Variants in KAZN observed in about 807,000 individuals in gnomAD.
KAZN encodes kazrin.
A neutral mutation model predicts 87.4 loss-of-function variants in KAZN; 40 were observed. The ratio of observed to expected loss-of-function variants is 0.46; its 90% CI spans 0.36 to 0.60. The LOEUF is 0.60. Ranked by LOEUF, KAZN falls within the 20% of genes least tolerant of loss-of-function variation. KAZN has a pLI of 0.00. For missense variants in KAZN, 898 were observed against 1,073.9 expected (o/e 0.84, Z 2.29); for synonymous variants, 466 against 458.3 (o/e 1.02, Z -0.22).
intron 1 of KAZN, among the ~76,000 whole-genome samples, chr1:14,008,598 G>A (rs187639037): frequency 3.9e-5 from 6 of 152,134 alleles, no homozygotes; most frequent in Admixed American, 3.9e-4. Flanking sequence ...CAGTGGGATG[G>A]GCAAGTAAAG....
chr1:14,664,387 T>A (rs1266460141), intron 1 of KAZN, among the ~76,000 whole-genome samples: 1 of 152,096 alleles, frequency 6.6e-6, no homozygotes, highest in African/African-American at 2.4e-5. Flanking sequence ...GAGCCAAGAT[T>A]GTGCCACTGC....
intron 2 of KAZN, among the ~76,000 whole-genome samples, chr1:15,003,262 G>A (rs186282706): frequency 4.6e-5 from 7 of 152,302 alleles, no homozygotes; most frequent in East Asian, 1.9e-4. Flanking sequence ...AACACAGGGC[G>A]TGGATCCGGT....
chr1:14,935,991 G>A (rs936072863), intron 1 of KAZN, among the ~76,000 whole-genome samples: 1 of 152,230 alleles, frequency 6.6e-6, no homozygotes, highest in African/African-American at 2.4e-5. Context: ...CCATTTCCCT[G>A]GAGCCTCCAA....
chr1:13,956,913 G>C (rs1253155269), intron 1 of KAZN, among the ~76,000 whole-genome samples: 1 of 152,162 alleles, frequency 6.6e-6, no homozygotes, highest in Non-Finnish European at 1.5e-5. Flanking sequence ...GTGAAGCTAT[G>C]GCATCCCAGG....
At chr1:14,162,547 CTTTTTTTTTTTTTTT>C (rs1310471615) in intron 1 of KAZN, among the ~76,000 whole-genome samples, 4,089 of 138,840 alleles carry the variant, frequency 0.029, 188 homozygotes, top group African/African-American at 0.1. Flanking sequence ...TTTCTTTTTT[CTTTTTTTTTTTTTTT>C]GAGACAGAGT....
At chr1:14,065,191 G>C (rs375476845) in intron 1 of KAZN, among the ~76,000 whole-genome samples, 4 of 152,204 alleles carry the variant, frequency 2.6e-5, no homozygotes, top group South Asian at 2.1e-4. Context: ...AGGGGAATCT[G>C]TTCCGGCTTG....
At chr1:14,595,911 C>G (rs1676482793), upstream of KAZN, among the ~76,000 whole-genome samples, 1 of 151,822 alleles carries the variant, frequency 6.6e-6, no homozygotes, top group Non-Finnish European at 1.5e-5. Flanking sequence ...TAGGAGGCAC[C>G]CCAGGAGTTT....
intron 2 of KAZN, among the ~76,000 whole-genome samples, chr1:14,197,292 T>G (rs940607513): frequency 2.7e-5 from 4 of 149,754 alleles, no homozygotes; most frequent in Non-Finnish European, 5.9e-5. Flanking sequence ...GATAAGACAG[T>G]GCCTGCCATA....
intron 1 of KAZN, among the ~76,000 whole-genome samples, chr1:14,053,442 A>G (rs1297233123): frequency 6.6e-6 from 1 of 152,120 alleles, no homozygotes; most frequent in Admixed American, 6.5e-5. Flanking sequence ...GCAATAATGG[A>G]TGGGTGCTGT....
intron 1 of KAZN, among the ~76,000 whole-genome samples, chr1:14,915,175 G>A (rs948884321): frequency 9.9e-5 from 15 of 152,150 alleles, no homozygotes; most frequent in Admixed American, 3.3e-4. Flanking sequence ...CAACAAGAGC[G>A]AAACTCCGCC....
intron 1 of KAZN, among the ~76,000 whole-genome samples, chr1:14,674,229 G>C (rs1229791377): frequency 6.6e-6 from 1 of 152,134 alleles, no homozygotes; most frequent in Admixed American, 6.5e-5. Context: ...TCTAAATTAG[G>C]TGGCATTGAA....
chr1:14,836,985 A>G (rs1048570856), intron 1 of KAZN, among the ~76,000 whole-genome samples: 34 of 152,056 alleles, frequency 2.2e-4, no homozygotes, highest in African/African-American at 8.0e-4. Context: ...CTGTCTTTCT[A>G]AAAGCTGCTT....
chr1:15,002,924 C>T (rs957070353), intron 2 of KAZN, among the ~76,000 whole-genome samples: 1 of 151,510 alleles, frequency 6.6e-6, no homozygotes, highest in Non-Finnish European at 1.5e-5. Flanking sequence ...TACAGCGAGC[C>T]GAGATGGCGC....
intron 2 of KAZN, among the ~76,000 whole-genome samples, chr1:14,580,152 G>A (rs1675451556): frequency 6.6e-6 from 1 of 152,292 alleles, no homozygotes; most frequent in African/African-American, 2.4e-5. Context: ...AGTCAGCTTA[G>A]GTTTCACCAT....
intron 1 of KAZN, among the ~76,000 whole-genome samples, chr1:14,925,239 TGCCCCTTCCCCCC>T (rs1216694141): frequency 6.6e-6 from 1 of 152,144 alleles, no homozygotes; most frequent in Admixed American, 6.5e-5. Context: ...CCCTTCCCCC[TGCCCCTTCCCCCC>T]AAGTTAGGGC....
At chr1:14,459,699 G>A (rs1667757648) in intron 2 of KAZN, among the ~76,000 whole-genome samples, 1 of 152,106 alleles carries the variant, frequency 6.6e-6, no homozygotes, top group Non-Finnish European at 1.5e-5. Flanking sequence ...TATGCCTAGA[G>A]CAATGGAAGA....
intron 1 of KAZN, among the ~76,000 whole-genome samples, chr1:14,770,460 G>T (rs576835749): frequency 3.9e-5 from 6 of 152,112 alleles, no homozygotes; most frequent in Non-Finnish European, 8.8e-5. Context: ...AGGGCAAGGG[G>T]GATGGCTGTT....
intron 2 of KAZN, among the ~76,000 whole-genome samples, chr1:14,245,535 T>A (rs1649419011): frequency 6.6e-6 from 1 of 152,120 alleles, no homozygotes; most frequent in South Asian, 2.1e-4. Context: ...ATAAAAAAAA[T>A]CCTGCAGTGA....
intron 2 of KAZN, among the ~76,000 whole-genome samples, chr1:14,355,800 T>G (rs549500261): frequency 1.3e-5 from 2 of 152,364 alleles, no homozygotes; most frequent in African/African-American, 4.8e-5. Flanking sequence ...ATGGTGTATA[T>G]GTGCCACATT....
Sources: allele counts gnomAD v4.1 joint callset (sites outside exome capture counted in the v4.1 genomes callset), GRCh38; gene constraint gnomAD v4.1.1; transcripts MANE v1.5; gene names NCBI Gene and HGNC (gene_info 2026-07-23, HGNC 2026-07-21).